Variants in CHSY3 observed in about 807,000 individuals in gnomAD.
CHSY3 encodes N-acetylgalactosaminyl-proteoglycan 3-beta-glucuronosyltransferase 3.
Under a neutral mutation model 67.2 loss-of-function variants are expected in CHSY3, and 35 were observed. That is an observed-to-expected ratio of 0.52 (90% CI 0.40 to 0.69). The LOEUF (loss-of-function observed/expected upper bound fraction) is 0.69, where lower values mean the gene tolerates loss of function less well. Among genes scored for constraint, CHSY3 ranks in the 30% least tolerant of loss-of-function variants. The probability of loss-of-function intolerance (pLI) is 0.00; values close to 1 mark genes in which losing one functional copy is unlikely to be tolerated. For missense variants in CHSY3, 1,069 were observed against 1,138.5 expected, an observed-to-expected ratio of 0.94 and a Z score of 0.88; for synonymous variants, 474 against 434.7, an observed-to-expected ratio of 1.09 and a Z score of -1.12.
intron 2 of CHSY3, among the ~76,000 whole-genome samples, chr5:129,947,621 CA>C (rs56180180): frequency 0.66 from 92,558 of 140,006 alleles, 31,350 homozygotes; most frequent in African/African-American, 0.89. Context: ...GACTCCATCT[CA>C]AAAAAAAAAA....
intron 2 of CHSY3, among the ~76,000 whole-genome samples, chr5:129,967,367 A>G (rs1561477355): frequency 6.6e-6 from 1 of 151,890 alleles, no homozygotes; most frequent in African/African-American, 2.4e-5. Flanking sequence ...CATTTTAGAT[A>G]TGTGTATATA....
Position 129,976,513 on chromosome 5 carries a change from C to T in CHSY3, c.1086+68153C>T, listed in dbSNP as rs367760486. ...AAAAATACAGTGGATTGTCTTAGGA[C>T]GCTAGAATAAAATGTTATAAAAGGG... On this transcript the variant is annotated intron_variant, in intron 2 of 2. Transcript: ENST00000305031. Among the ~76,000 whole-genome samples, 49 of 152,052 alleles carry T rather than the reference C, an allele frequency of 3.2e-4. No homozygotes were observed. The East Asian group carries it at 7.2e-3, about 22-fold the overall frequency.
intron 2 of CHSY3, among the ~76,000 whole-genome samples, chr5:129,932,056 T>C (rs937790935): frequency 2.0e-5 from 3 of 150,320 alleles, no homozygotes; most frequent in African/African-American, 7.4e-5. Flanking sequence ...TAAAACCATA[T>C]ATTTGTATAT....
intron 2 of CHSY3, among the ~76,000 whole-genome samples, chr5:129,920,711 T>G (rs373727852): frequency 5.9e-5 from 9 of 152,402 alleles, no homozygotes; most frequent in African/African-American, 1.9e-4. Context: ...TTTTACAGTT[T>G]GAAGTGTATC....
chr5:129,918,320 G>A (rs986250924), intron 2 of CHSY3, among the ~76,000 whole-genome samples: 3 of 152,200 alleles, frequency 2.0e-5, no homozygotes, highest in Non-Finnish European at 4.4e-5. Context: ...GTTCTTATGA[G>A]TGGAATGTCT....
At chr5:130,001,138 C>A (rs1010298573) in intron 2 of CHSY3, among the ~76,000 whole-genome samples, 2 of 152,036 alleles carry the variant, frequency 1.3e-5, no homozygotes, top group South Asian at 2.1e-4. Flanking sequence ...CCTCGACCTC[C>A]CAAAGTGCTG....
intron 2 of CHSY3, among the ~76,000 whole-genome samples, chr5:129,968,437 A>G (rs1025380886): frequency 1.3e-5 from 2 of 151,894 alleles, no homozygotes; most frequent in Non-Finnish European, 2.9e-5. Context: ...CAGCAAACAT[A>G]TATTGAATAT....
chr5:129,983,709 T>C (rs918048245), intron 2 of CHSY3, among the ~76,000 whole-genome samples: 2 of 151,938 alleles, frequency 1.3e-5, no homozygotes, highest in African/African-American at 4.8e-5. Flanking sequence ...CTCATTTCAG[T>C]GTAGTTTATT....
chr5:130,132,952 ATAAAAGCAATAGT>A (rs1441037971), intron 2 of CHSY3, among the ~76,000 whole-genome samples: 6 of 152,224 alleles, frequency 3.9e-5, no homozygotes, highest in African/African-American at 1.4e-4. Flanking sequence ...CAAAGACATC[ATAAAAGCAATAGT>A]TAATATTTTC....
chr5:129,909,105 AT>A (rs987070248), intron 2 of CHSY3, among the ~76,000 whole-genome samples: 3 of 152,146 alleles, frequency 2.0e-5, no homozygotes, highest in African/African-American at 7.2e-5. Context: ...TGCCGTGATC[AT>A]TTTTATGAAA....
chr5:130,184,536 A>G lies in CHSY3; in HGVS notation c.1394A>G (p.Glu465Gly), dbSNP rs145778898. The G allele has an allele frequency of 7.5e-6, 12 of 1,610,422 alleles. No homozygotes were observed. The African/African-American group carries it at 1.6e-4, about 22-fold the overall frequency. Residue 465 changes from glutamate (E) to glycine (G), a missense_variant, in exon 3 of 3, where the codon GAA becomes GGA. Glu to Gly is a moderately conservative substitution (Grantham distance 98). Transcript: ENST00000305031. ...FQPRERNEVI[E>G]WEFLTGKLLY... ...CCTCGGGAGAGAAATGAAGTGATAG[A>G]ATGGGAGTTCCTGACAGGGAAGCTT... is the stretch of plus-strand genomic sequence containing the variant.
At chr5:130,181,052 C>A (rs908502195) in intron 2 of CHSY3, among the ~76,000 whole-genome samples, 1 of 152,106 alleles carries the variant, frequency 6.6e-6, no homozygotes, top group African/African-American at 2.4e-5. Flanking sequence ...TTCCTAGAGG[C>A]TCTCAGATAA....
rs182260908 is a variant in CHSY3 at position 130,138,889 on chromosome 5, A to C, written c.1087-45340A>C. 5.3e-5 allele frequency among the ~76,000 whole-genome samples: 8 copies of C among 152,320 alleles called. No homozygotes were observed. In the East Asian group the frequency reaches 1.5e-3, roughly 29 times the overall value. ...AGTCATGTGTCCCTTAAGTGAATGC[A>C]TCATTCTGAGAATATGTTCTGAGAA... On this transcript the variant is annotated intron_variant, in intron 2 of 2. Coordinates refer to ENST00000305031, the MANE Select transcript of CHSY3 (RefSeq NM_175856.5).
chr5:129,974,162 GC>G (rs1220447884), intron 2 of CHSY3, among the ~76,000 whole-genome samples: 1 of 152,048 alleles, frequency 6.6e-6, no homozygotes, highest in African/African-American at 2.4e-5. Context: ...ATTTCTAATA[GC>G]CTGTAATTGG....
intron 2 of CHSY3, among the ~76,000 whole-genome samples, chr5:129,917,422 C>T (rs575519000): frequency 6.6e-5 from 10 of 152,264 alleles, no homozygotes; most frequent in Admixed American, 3.9e-4. Flanking sequence ...GAAGATTAAA[C>T]GAGTCAATGC....
At chr5:130,094,234 T>C (rs1284386239) in intron 2 of CHSY3, among the ~76,000 whole-genome samples, 1 of 152,094 alleles carries the variant, frequency 6.6e-6, no homozygotes. Flanking sequence ...AACTATAAAC[T>C]TCTTAAGAAA....
intron 2 of CHSY3, among the ~76,000 whole-genome samples, chr5:129,997,994 G>T (rs929757437): frequency 4.6e-5 from 7 of 152,112 alleles, no homozygotes; most frequent in African/African-American, 1.7e-4. Flanking sequence ...CTTTATGGTA[G>T]CATGATTTAT....
At chr5:129,991,666 A>G (rs571113556) in intron 2 of CHSY3, among the ~76,000 whole-genome samples, 1 of 152,280 alleles carries the variant, frequency 6.6e-6, no homozygotes, top group Non-Finnish European at 1.5e-5. Context: ...TGTAACTGGC[A>G]AGCAGCCATG....
chr5:129,924,813 C>G (rs901693771), intron 2 of CHSY3, among the ~76,000 whole-genome samples: 2 of 151,988 alleles, frequency 1.3e-5, no homozygotes, highest in African/African-American at 4.8e-5. Flanking sequence ...GAGGAAAATG[C>G]ACTGCATAGC....
Sources: gnomAD v4.1 joint callset for allele counts (sites outside exome capture counted in the v4.1 genomes callset) on GRCh38, gnomAD v4.1.1 for gene constraint, MANE v1.5 for transcripts, NCBI Gene and HGNC (gene_info 2026-07-23, HGNC 2026-07-21) for gene names.